The following TTC13 variants were observed in gnomAD, a reference collection of about 807,000 sequenced individuals.
TTC13 encodes tetratricopeptide repeat protein 13.
In TTC13, 62 loss-of-function variants were observed where a neutral mutation model predicts 120.0. That is an observed-to-expected ratio of 0.52 (90% CI 0.42 to 0.64). The LOEUF (loss-of-function observed/expected upper bound fraction) is 0.64. TTC13 is among the 30% of genes least tolerant of loss of function. The pLI is 0.00. For synonymous variants in TTC13, 384 were observed against 393.5 expected, an observed-to-expected ratio of 0.98 and a Z score of 0.28; for missense variants, 824 against 1,050.2, an observed-to-expected ratio of 0.78 and a Z score of 2.98.
chr1:230,978,748 A>G lies in TTC13; in HGVS notation c.83T>C (p.Leu28Pro). The G allele has an allele frequency of 6.7e-7, 1 of 1,501,454 alleles. No homozygotes were observed. Among genetic ancestry groups the G allele is most frequent in the Non-Finnish European group, 8.8e-7 (1 of 1,133,506 alleles). The allele number at this position is 1,501,454 out of a possible 1,614,324, so 93.0% of individuals were successfully genotyped here. A position where few individuals can be genotyped will look rare whatever the true frequency, so the allele number is the denominator to read the frequency against. ...AAAGAARRVLLLLLLGVLSAG... is the reference protein window; with the variant it reads ...AAAGAARRVLPLLLLGVLSAG... Reference sequence around the variant, plus strand: ...GGACAGGACCCCCAGCAGCAGCAGCAGCAGGACACGCCGGGCGGCGCCCGC... The same window carrying G: ...GGACAGGACCCCCAGCAGCAGCAGCGGCAGGACACGCCGGGCGGCGCCCGC... The change falls in exon 1 of 23, where the codon CTG (leucine) becomes CCG (proline). Residue 28 changes from leucine to proline, a missense_variant. Physicochemically the swap from Leu to Pro is moderately conservative, Grantham distance 98 (BLOSUM62 -3). Transcript: ENST00000366661. This position sits in a 1 kb window ranked among gnomAD's most constrained non-coding sequence, Gnocchi z 5.6.
At chr1:230,910,335 G>A (rs562327299) in intron 20 of TTC13, among the ~76,000 whole-genome samples, 115 of 152,342 alleles carry the variant, frequency 7.5e-4, no homozygotes, top group Non-Finnish European at 1.2e-3. Flanking sequence ...AGAGAGCGGT[G>A]CTGCAGCCAA....
Position 230,916,203 on chromosome 1 carries a change from T to C in TTC13, c.2083A>G (p.Thr695Ala). 1 of 1,613,042 alleles carries C rather than the reference T, an allele frequency of 6.2e-7. No homozygotes were observed. Among genetic ancestry groups the C allele is most frequent in the Non-Finnish European group, 8.5e-7 (1 of 1,178,968 alleles). Residue 695 changes from threonine to alanine, a missense_variant, in exon 18 of 23, where the codon ACA (threonine) becomes GCA (alanine). Thr to Ala is a moderately conservative substitution (Grantham distance 58). This residue lies in a region of TTC13 where 226 missense variants were observed against 259.1 expected (regional missense o/e 0.87). Transcript: ENST00000366661. ...KEYDGFTITI[T>A]GDKVGNILFS... ...AAGAAGCGCACATACTTGTCTCCTG[T>C]AATCGTGATTGTGAATCCATCATAT...
intron 8 of TTC13, among the ~76,000 whole-genome samples, chr1:230,938,190 T>C (rs1049828869): frequency 6.6e-6 from 1 of 152,252 alleles, no homozygotes; most frequent in Non-Finnish European, 1.5e-5. Context: ...TCTTGTTAAG[T>C]ACCACCTTCT....
intron 9 of TTC13, among the ~76,000 whole-genome samples, chr1:230,932,514 G>C (rs961722722): frequency 6.6e-6 from 1 of 152,136 alleles, no homozygotes; most frequent in African/African-American, 2.4e-5. Flanking sequence ...CCTGGGCTCA[G>C]GCGATGCTCC....
intron 1 of TTC13, among the ~76,000 whole-genome samples, chr1:230,968,332 T>TA (rs5781615): frequency 0.55 from 79,621 of 145,424 alleles, 21,482 homozygotes; most frequent in African/African-American, 0.66. Flanking sequence ...ATTCTTTTTT[T>TA]AAAAAAACAA....
intron 20 of TTC13, among the ~76,000 whole-genome samples, chr1:230,910,512 G>A (rs1671396617): frequency 6.6e-6 from 1 of 152,186 alleles, no homozygotes; most frequent in Admixed American, 6.5e-5. Flanking sequence ...AAGTGTGGGA[G>A]GCAGAATCAA....
chr1:230,924,951 C>G lies in TTC13; in HGVS notation c.1611G>C (p.Glu537Asp). The G allele has an allele frequency of 6.2e-7, 1 of 1,614,170 alleles. No homozygotes were observed. The highest frequency in any genetic ancestry group is 8.5e-7 in the Non-Finnish European group (1 of 1,180,032). ...IHRAMGLAAL[E>D]VMQAVQRTWT... is the part of the protein sequence containing the mutation. Reference sequence around the variant, plus strand: ...ATGTACGCTGCACGGCTTGCATGACCTCCAATGCGGCCAAACCCATAGCTA... The same window carrying G: ...ATGTACGCTGCACGGCTTGCATGACGTCCAATGCGGCCAAACCCATAGCTA... Residue 537 changes from glutamate (E) to aspartate (D), a missense_variant, in exon 14 of 23, where the codon GAG becomes GAC. Physicochemically the swap from Glu to Asp is conservative, Grantham distance 45. Transcript: ENST00000366661.
At chr1:230,966,512 T>G (rs757540605) in intron 1 of TTC13, among the ~76,000 whole-genome samples, 9 of 152,244 alleles carry the variant, frequency 5.9e-5, no homozygotes, top group Non-Finnish European at 1.0e-4. Flanking sequence ...TTGATAACCA[T>G]TGATTCAATA....
chr1:230,951,801 T>C (rs1193067436), intron 4 of TTC13, among the ~76,000 whole-genome samples: 1 of 152,144 alleles, frequency 6.6e-6, no homozygotes, highest in African/African-American at 2.4e-5. Context: ...ATGTGTGTGA[T>C]ACATAATTTA....
intron 8 of TTC13, among the ~76,000 whole-genome samples, chr1:230,936,961 C>T (rs529042819): frequency 4.0e-5 from 6 of 150,432 alleles, no homozygotes; most frequent in African/African-American, 1.3e-4. Context: ...TAAGTAACTA[C>T]TCTAACCTCC....
intron 21 of TTC13, 46 bp downstream of exon 21, chr1:230,908,896 G>T: frequency 6.2e-7 from 1 of 1,610,130 alleles, no homozygotes; most frequent in Non-Finnish European, 8.5e-7. Flanking sequence ...CATAAATTGG[G>T]ACTTAATACA....
At chr1:230,919,984 A>G (rs1333200850) in intron 17 of TTC13, among the ~76,000 whole-genome samples, 3 of 152,220 alleles carry the variant, frequency 2.0e-5, no homozygotes, top group African/African-American at 7.2e-5. Flanking sequence ...TCCCCAGCCT[A>G]CATGGCCTCC....
intron 5 of TTC13, 102 bp downstream of exon 5, chr1:230,945,287 C>T: frequency 2.9e-6 from 3 of 1,038,168 alleles, no homozygotes; most frequent in Non-Finnish European, 3.0e-6. Flanking sequence ...GATACCACTC[C>T]ACATCCCATC....
At chr1:230,936,263 T>C in intron 8 of TTC13, 1 of 456,206 alleles carries the variant, frequency 2.2e-6, no homozygotes, top group South Asian at 1.5e-5. Flanking sequence ...CTCTACCTCA[T>C]TCTGCCAAAG....
At chr1:230,952,946 T>C (rs527919782) in intron 4 of TTC13, among the ~76,000 whole-genome samples, 42 of 152,318 alleles carry the variant, frequency 2.8e-4, no homozygotes, top group South Asian at 1.7e-3. Flanking sequence ...TTTCAAAAAG[T>C]TGAATAAAAT....
chr1:230,956,680 T>G (rs1338667624), intron 3 of TTC13: 2 of 226,760 alleles, frequency 8.8e-6, no homozygotes, highest in Admixed American at 1.1e-4. Flanking sequence ...GAATTCCACT[T>G]AAAATCAAAT....
intron 4 of TTC13, among the ~76,000 whole-genome samples, chr1:230,945,942 C>A (rs1355843157): frequency 2.0e-5 from 3 of 152,208 alleles, no homozygotes; most frequent in Non-Finnish European, 4.4e-5. Flanking sequence ...TGAGGCTGCA[C>A]TGAAATCTGT....
rs912040387 is a variant in TTC13 at position 230,944,478 on chromosome 1, C to A, written c.580-580G>T. On this transcript the variant is annotated intron_variant, in intron 5 of 22. Transcript: ENST00000366661. This position sits in a 1 kb window ranked among gnomAD's most constrained non-coding sequence, Gnocchi z 4.0. ...GCAGCTCTGAACTTTACTACTGCAACTTCAACCTGGTCATTCATTGATGCT... is the reference window on the plus strand; with the variant it reads ...GCAGCTCTGAACTTTACTACTGCAAATTCAACCTGGTCATTCATTGATGCT... 1.3e-5 allele frequency among the ~76,000 whole-genome samples: 2 copies of A among 152,112 alleles called. No homozygotes were observed. Among genetic ancestry groups the A allele is most frequent in the Non-Finnish European group, 2.9e-5 (2 of 68,020 alleles).
At position 230,910,745 on chromosome 1, in the gene TTC13, T is replaced by A. The variant is rs537312133; in HGVS notation, c.2309+725A>T. 1.6e-4 allele frequency among the ~76,000 whole-genome samples: 24 copies of A among 152,358 alleles called. No homozygotes were observed. In the East Asian group the frequency reaches 3.7e-3, roughly 23 times the overall value. On this transcript the variant is annotated intron_variant, in intron 20 of 22. Transcript: ENST00000366661. ...CAATATTATGCTGATAAGACAACAT[T>A]TATGTTTCTATTTTGTTTCAATGAG... is the stretch of plus-strand genomic sequence containing the variant.
Sources: allele counts gnomAD v4.1 joint callset (sites outside exome capture counted in the v4.1 genomes callset), GRCh38; gene constraint gnomAD v4.1.1; regional missense constraint gnomAD v4.1.1; non-coding constraint Gnocchi (gnomAD v3.1); transcripts MANE v1.5; gene names NCBI Gene and HGNC (gene_info 2026-07-23, HGNC 2026-07-21).